The following GLB1L2 variants were observed in gnomAD, a reference collection of about 807,000 sequenced individuals.
GLB1L2 encodes galactosidase beta 1 like 2, also known as beta-galactosidase-1-like protein 2.
In GLB1L2, 68 loss-of-function variants were observed where a neutral mutation model predicts 84.1. The ratio of observed to expected loss-of-function variants is 0.81; its 90% confidence interval spans 0.67 to 0.99. The LOEUF (loss-of-function observed/expected upper bound fraction) is 0.99. Among genes scored for constraint, GLB1L2 ranks in the 50% least tolerant of loss-of-function variants. GLB1L2 has a pLI of 0.00. For synonymous variants in GLB1L2, 290 were observed against 318.0 expected (o/e 0.91, Z 0.94); for missense variants, 762 against 805.6 (o/e 0.95, Z 0.66).
At chr11:134,368,561 G>C (rs1462818742) in intron 9 of GLB1L2, 83 bp from the exon 10 acceptor site, 1 of 1,467,988 alleles carries the variant, frequency 6.8e-7, no homozygotes, top group Admixed American at 1.7e-5. Flanking sequence ...GTGGGACTGG[G>C]AAAGAGGAGA....
chr11:134,356,393 G>A lies in GLB1L2; in HGVS notation c.651G>A (p.Lys217=). 1 of 1,607,770 alleles carries A rather than the reference G, an allele frequency of 6.2e-7. No homozygotes were observed. ...CCGCATACATGCCCTACGTCAAGAA[G>A]GTAAGAATCCTCTTAGTGCGTTTCT... ...KDPAYMPYVK[K]ALEDRGIVEL... The change falls in exon 6 of 19, where the codon AAG becomes AAA. Residue 217 remains lysine (K), a splice_region_variant and synonymous_variant. Coordinates refer to ENST00000535456, the MANE Select transcript of GLB1L2 (RefSeq NM_001370461.1).
At position 134,370,219 on chromosome 11, in the gene GLB1L2, G is replaced by C. The variant is rs1180901156; in HGVS notation, c.1109-74G>C. The C allele has an allele frequency of 8.0e-7, 1 of 1,254,976 alleles. No homozygotes were observed. The highest frequency in any genetic ancestry group is 2.3e-5 in the East Asian group (1 of 43,122). The allele number at this position is 1,254,976 out of a possible 1,614,324, so 77.7% of individuals were successfully genotyped here. ...CAGGAGCACATCGGGTCTGTGGATG[G>C]GAGCCGGGTGGGGAGGACGAGCAGG... On this transcript the variant is annotated intron_variant, in intron 11 of 18. Transcript: ENST00000535456. This position sits in a 1 kb window ranked among gnomAD's most constrained non-coding sequence, Gnocchi z 4.7.
In GLB1L2 at chr11:134,359,069, G is replaced by A. The variant is rs1943745726; in HGVS notation, c.661G>A (p.Asp221Asn). Residue 221 changes from aspartate (D) to asparagine (N), a missense_variant, in exon 7 of 19, where the codon GAC becomes AAC. By Grantham distance (23) the Asp-to-Asn change is conservative. Transcript: ENST00000535456. ...CTCATTTCCCCCACAGGCACTGGAG[G>A]ACCGTGGCATTGTGGAACTGCTCCT... ...YMPYVKKALE[D>N]RGIVELLLTS... is the part of the protein sequence containing the mutation. 6.2e-7 allele frequency: 1 copy of A among 1,600,924 alleles called. No individual in the cohort carries two copies. The highest frequency in any genetic ancestry group is 8.5e-7 in the Non-Finnish European group (1 of 1,173,406).
In GLB1L2 at chr11:134,364,483, C is replaced by G. The variant is rs57782915; in HGVS notation, c.804+85C>G. The G allele has an allele frequency of 0.012, 12,833 of 1,107,200 alleles. 997 individuals carry two copies. The African/African-American group carries it at 0.17, about 14-fold the overall frequency. The allele number at this position is 1,107,200 out of a possible 1,614,324, so 68.6% of individuals were successfully genotyped here. A position where few individuals can be genotyped will look rare whatever the true frequency, so the allele number is the denominator to read the frequency against. ...AATGCCTGTCAGCGTGCTCAGCTTC[C>G]CCAGCGCAGGGAGCTGGACTCAGGG... On this transcript the variant is annotated intron_variant, in intron 8 of 18. Coordinates refer to ENST00000535456, the MANE Select transcript of GLB1L2 (RefSeq NM_001370461.1).
chr11:134,355,520 T>G (rs529909320), intron 5 of GLB1L2, among the ~76,000 whole-genome samples: 1 of 152,336 alleles, frequency 6.6e-6, no homozygotes, highest in African/African-American at 2.4e-5. Flanking sequence ...ACATGAAGAC[T>G]TAAGAGCTGA....
intron 18 of GLB1L2, 100 bp from the exon 19 acceptor site, chr11:134,374,872 G>T (rs751989987): frequency 9.3e-6 from 12 of 1,294,362 alleles, no homozygotes; most frequent in Non-Finnish European, 1.3e-5. Flanking sequence ...TTCCAGCCTG[G>T]TTCCCAAACC....
intron 15 of GLB1L2, 70 bp downstream of exon 15, chr11:134,371,900 C>A: frequency 6.8e-7 from 1 of 1,469,596 alleles, no homozygotes; most frequent in Non-Finnish European, 9.5e-7. Context: ...CTTCTCTATG[C>A]TAGCAGGCCA....
intron 1 of GLB1L2, among the ~76,000 whole-genome samples, chr11:134,335,574 A>G (rs912702528): frequency 6.6e-6 from 1 of 151,812 alleles, no homozygotes; most frequent in Non-Finnish European, 1.5e-5. Flanking sequence ...CCACCAGCAG[A>G]AGGAGACCAG....
chr11:134,362,970 C>T (rs1943816635), intron 7 of GLB1L2, among the ~76,000 whole-genome samples: 1 of 152,226 alleles, frequency 6.6e-6, no homozygotes, highest in South Asian at 2.1e-4. Flanking sequence ...CTTCTTGTTG[C>T]TGTTCCTCAT....
rs1232927946 is a variant in GLB1L2, at chr11:134,356,252, A to G, written c.559-49A>G. 4 of 1,447,242 alleles carry G rather than the reference A, an allele frequency of 2.8e-6. No individual in the cohort carries two copies. The African/African-American group carries it at 5.6e-5, about 20-fold the overall frequency. 89.7% of individuals were successfully genotyped at this position (1,447,242 alleles called of 1,614,324 possible). A position where few individuals can be genotyped will look rare whatever the true frequency, so the allele number is the denominator to read the frequency against. On this transcript the variant is annotated intron_variant, in intron 5 of 18. Coordinates refer to ENST00000535456, the MANE Select transcript of GLB1L2 (RefSeq NM_001370461.1). ...GATGGGCGTGGCAGGGTTGGATACTACAGTTCCCCTGCACACTCAGCTCCT... is the reference window on the plus strand; with the variant it reads ...GATGGGCGTGGCAGGGTTGGATACTGCAGTTCCCCTGCACACTCAGCTCCT...
intron 5 of GLB1L2, among the ~76,000 whole-genome samples, chr11:134,350,489 C>T (rs770794508): frequency 6.6e-6 from 1 of 152,196 alleles, no homozygotes. Flanking sequence ...ACTTGGCTGC[C>T]GCTGGGAGAT....
intron 2 of GLB1L2, 84 bp downstream of exon 2, chr11:134,343,035 G>A: frequency 7.1e-7 from 1 of 1,413,722 alleles, no homozygotes; most frequent in Non-Finnish European, 9.6e-7. Flanking sequence ...AAGAGGAACC[G>A]GCCCAGGTCC....
chr11:134,374,944 C>T, intron 18 of GLB1L2, 28 bp from the exon 19 acceptor site: 1 of 1,598,448 alleles, frequency 6.3e-7, no homozygotes, highest in Non-Finnish European at 8.6e-7. Flanking sequence ...ACGTCAGCTG[C>T]CCTCCCAGCC....
intron 6 of GLB1L2, 45 bp from the exon 7 acceptor site, chr11:134,359,015 C>T (rs759535595): frequency 5.4e-5 from 77 of 1,438,302 alleles, no homozygotes; most frequent in Non-Finnish European, 7.3e-5. Context: ...TGCAGAAGCT[C>T]TAAGGAGCCA....
chr11:134,357,428 C>T (rs996110829), intron 6 of GLB1L2, among the ~76,000 whole-genome samples: 1 of 152,236 alleles, frequency 6.6e-6, no homozygotes, highest in Non-Finnish European at 1.5e-5. Context: ...GGGCAAGGTC[C>T]ATTCTGATGG....
intron 5 of GLB1L2, chr11:134,355,900 T>A: frequency 2.4e-6 from 1 of 412,168 alleles, no homozygotes; most frequent in South Asian, 1.8e-5. Flanking sequence ...CAAGTTCCAT[T>A]TTGCTTCTTC....
chr11:134,367,045 A>T (rs56232650), intron 8 of GLB1L2: 10,439 of 601,386 alleles, frequency 0.017, 787 homozygotes, highest in African/African-American at 0.17. Flanking sequence ...TATCTGCTCT[A>T]TACCTGCAGG....
intron 7 of GLB1L2, 67 bp from the exon 8 acceptor site, chr11:134,364,261 G>C: frequency 8.0e-7 from 1 of 1,256,720 alleles, no homozygotes; most frequent in South Asian, 1.3e-5. Context: ...AAGGGTCTGG[G>C]GTCACCTAGA....
chr11:134,354,967 T>C (rs1364867722), intron 5 of GLB1L2, among the ~76,000 whole-genome samples: 1 of 152,088 alleles, frequency 6.6e-6, no homozygotes, highest in East Asian at 1.9e-4. Context: ...AAGAAACCCA[T>C]AATTCATATA....
Sources: allele counts gnomAD v4.1 joint callset (sites outside exome capture counted in the v4.1 genomes callset), GRCh38; gene constraint gnomAD v4.1.1; non-coding constraint Gnocchi (gnomAD v3.1); transcripts MANE v1.5; gene names NCBI Gene and HGNC (gene_info 2026-07-23, HGNC 2026-07-21).